The following CEP152 variants were observed in gnomAD, a reference collection of about 807,000 sequenced individuals.
CEP152 encodes centrosomal protein 152.
CEP152 carries 132 observed loss-of-function variants against 188.9 expected under a neutral mutation model. The observed-to-expected ratio is 0.70, with a 90% CI of 0.61 to 0.81. CEP152 has a LOEUF of 0.81. Ranked by LOEUF, CEP152 falls within the 30% of genes least tolerant of loss-of-function variation. The probability of loss-of-function intolerance (pLI) is 0.00; values close to 1 mark genes in which losing one functional copy is unlikely to be tolerated. For synonymous variants in CEP152, 649 were observed against 666.6 expected, an observed-to-expected ratio of 0.97 and a Z score of 0.41; for missense variants, 1,914 against 1,969.8, an observed-to-expected ratio of 0.97 and a Z score of 0.54.
At chr15:48,752,232 A>G in intron 21 of CEP152, 117 bp downstream of exon 21, 1 of 1,554,606 alleles carries the variant, frequency 6.4e-7, no homozygotes, top group Non-Finnish European at 8.8e-7. Context: ...GGGGACATTA[A>G]GTCAGACGAT....
At position 48,756,436 on chromosome 15, in the gene CEP152, G is replaced by A; in HGVS notation, c.2812C>T (p.Leu938Phe). 1 of 1,613,670 alleles carries A rather than the reference G, an allele frequency of 6.2e-7. No homozygotes were observed. The highest frequency in any genetic ancestry group is 1.3e-5 in the African/African-American group (1 of 74,970). Residue 938 changes from leucine to phenylalanine, a missense_variant, in exon 20 of 27, where the codon CTT becomes TTT. Physicochemically the swap from Leu to Phe is conservative, Grantham distance 22. Coordinates refer to ENST00000380950, the MANE Select transcript of CEP152 (RefSeq NM_001194998.2). ...EEKIHSLQKE[L>F]ELKNEEVPVV... ...GGGACTTCTTCGTTCTTTAACTCAA[G>A]TTCCTTCTGAAGAGAATGAATCTTC... is the stretch of plus-strand genomic sequence containing the variant.
At position 48,739,151 on chromosome 15, in the gene CEP152, G is replaced by C. The variant is rs1200046966; in HGVS notation, c.4231C>G (p.Pro1411Ala). The C allele has an allele frequency of 2.5e-6, 4 of 1,614,028 alleles. No individual in the cohort carries two copies. The highest frequency in any genetic ancestry group is 3.4e-6 in the Non-Finnish European group (4 of 1,180,022). Residue 1411 changes from proline to alanine, a missense_variant, in exon 27 of 27, where the codon CCC (proline) becomes GCC (alanine). Coordinates refer to ENST00000380950, the MANE Select transcript of CEP152 (RefSeq NM_001194998.2). ...TITRTLCEQA[P>A]KRRAACNLQR... ...AAGTTACAAGCTGCCCTCCTCTTGG[G>C]AGCTTGTTCGCACAGAGTTCTGGTG...
chr15:48,738,436 G>A lies in CEP152; in HGVS notation c.4946C>T (p.Pro1649Leu), dbSNP rs1391789300. 6.2e-7 allele frequency: 1 copy of A among 1,614,120 alleles called. No individual in the cohort carries two copies. ...YLSEETTYLE[P>L]GKISVNCGHP... Reference sequence around the variant, plus strand: ...TCCACAATTCACACTGATCTTTCCTGGCTCCAAATACGTGGTTTCTTCTGA... The same window carrying A: ...TCCACAATTCACACTGATCTTTCCTAGCTCCAAATACGTGGTTTCTTCTGA... Residue 1649 changes from proline (P) to leucine (L), a missense_variant, in exon 27 of 27, where the codon CCA becomes CTA. Physicochemically the swap from Pro to Leu is moderately conservative, Grantham distance 98. Transcript: ENST00000380950.
At chr15:48,785,815 T>C (rs560664204) in intron 9 of CEP152, among the ~76,000 whole-genome samples, 1 of 151,314 alleles carries the variant, frequency 6.6e-6, no homozygotes, top group Admixed American at 6.6e-5. Context: ...AAGTCTGATA[T>C]GGGCAGACAT....
In CEP152 at chr15:48,765,636, A is replaced by ATTTTTTTTT. The variant is rs34837739; in HGVS notation, c.2280+1415_2280+1423dup. The stretch of plus-strand genomic sequence containing the variant: ...GAAAATTCCTCTTATGTTCTTGCCA[A>ATTTTTTTTT]TTTTTTTTTTTTTTTTTTTTTTTTT... On this transcript the variant is annotated intron_variant, in intron 17 of 26. Transcript: ENST00000380950. The ATTTTTTTTT allele has an allele frequency of 7.4e-4, 140 of 189,460 alleles. 3 individuals carry two copies. Among genetic ancestry groups the ATTTTTTTTT allele is most frequent in the Admixed American group, 2.1e-3 (19 of 8,848 alleles). The allele number at this position is 189,460 out of a possible 1,614,324, so 11.7% of individuals were successfully genotyped here.
At chr15:48,801,823 G>C (rs1319553074) in intron 2 of CEP152, among the ~76,000 whole-genome samples, 1 of 152,222 alleles carries the variant, frequency 6.6e-6, no homozygotes, top group Non-Finnish European at 1.5e-5. Context: ...GCTGGGTGCA[G>C]TGGCTCACAC....
In CEP152 at chr15:48,737,980, G is replaced by A; in HGVS notation, c.*269C>T. On this transcript the variant is annotated 3_prime_UTR_variant, in exon 27 of 27. Coordinates refer to ENST00000380950, the MANE Select transcript of CEP152 (RefSeq NM_001194998.2). Reference sequence around the variant, plus strand: ...TTTATTTAAATAAGTTAACACTGCAGAGTGAGTCAATTTATAAGTATAAAA... The same window carrying A: ...TTTATTTAAATAAGTTAACACTGCAAAGTGAGTCAATTTATAAGTATAAAA... 1 of 372,788 alleles carries A rather than the reference G, an allele frequency of 2.7e-6. No individual in the cohort carries two copies. Among genetic ancestry groups the A allele is most frequent in the South Asian group, 4.1e-5 (1 of 24,114 alleles). The allele number at this position is 372,788 out of a possible 1,614,324, so 23.1% of individuals were successfully genotyped here.
At position 48,793,583 on chromosome 15, in the gene CEP152, G is replaced by A. The variant is rs1897118421; in HGVS notation, c.692-122C>T. On this transcript the variant is annotated intron_variant, in intron 6 of 26. Coordinates refer to ENST00000380950, the MANE Select transcript of CEP152 (RefSeq NM_001194998.2). ...TAGAGCATCATGAAATCAATTCAGT[G>A]AATTGTGACTAGGATTAAAAAAGAG... 5 of 811,172 alleles carry A rather than the reference G, an allele frequency of 6.2e-6. No homozygotes were observed. In the Admixed American group the frequency reaches 9.3e-5, roughly 15 times the overall value. 50.2% of individuals were successfully genotyped at this position (811,172 alleles called of 1,614,324 possible).
Position 48,767,170 on chromosome 15 carries a change from T to C in CEP152, c.2170A>G (p.Lys724Glu), listed in dbSNP as rs1314115412. The change falls in exon 17 of 27, where the codon AAG (lysine) becomes GAG (glutamate). Residue 724 changes from lysine to glutamate, a missense_variant. Lys to Glu is a moderately conservative substitution (Grantham distance 56). Coordinates refer to ENST00000380950, the MANE Select transcript of CEP152 (RefSeq NM_001194998.2). ...QLRSELDKLNKEVTAVQECYL... is the reference protein window; with the variant it reads ...QLRSELDKLNEEVTAVQECYL... ...CATTCCTGCACAGCAGTCACCTCCT[T>C]ATTCAACTTATCCAACTCAGACCTT... 2.5e-6 allele frequency: 4 copies of C among 1,613,848 alleles called. No homozygotes were observed. The highest frequency in any genetic ancestry group is 1.1e-5 in the South Asian group (1 of 91,082).
intron 2 of CEP152, among the ~76,000 whole-genome samples, chr15:48,731,465 G>A (rs1439645249): frequency 1.3e-5 from 2 of 152,126 alleles, no homozygotes; most frequent in Non-Finnish European, 2.9e-5. Flanking sequence ...AATGGTGCTG[G>A]GAGAACTGGC....
At chr15:48,739,826 A>G (rs1232119530) in intron 26 of CEP152, among the ~76,000 whole-genome samples, 1 of 152,228 alleles carries the variant, frequency 6.6e-6, no homozygotes, top group Non-Finnish European at 1.5e-5. Context: ...CAAGCCCTAG[A>G]GTCCATGAAA....
intron 2 of CEP152, among the ~76,000 whole-genome samples, chr15:48,805,346 T>A (rs148492384): frequency 6.6e-6 from 1 of 152,166 alleles, no homozygotes; most frequent in Non-Finnish European, 1.5e-5. Flanking sequence ...TCTGATGGTA[T>A]TATTCACAGT....
At chr15:48,734,584 T>C (rs1170528138), downstream of CEP152, among the ~76,000 whole-genome samples, 1 of 146,448 alleles carries the variant, frequency 6.8e-6, no homozygotes, top group East Asian at 2.0e-4. Context: ...AAAGCTTCTC[T>C]GATAAAAAAA....
intron 20 of CEP152, among the ~76,000 whole-genome samples, chr15:48,753,078 G>T (rs1052408156): frequency 5.9e-5 from 9 of 152,094 alleles, no homozygotes; most frequent in African/African-American, 1.9e-4. Flanking sequence ...AATATTTATT[G>T]AACGTTTTTA....
In CEP152 at chr15:48,776,888, G is replaced by A. The variant is rs187377158; in HGVS notation, c.1578-4197C>T. On this transcript the variant is annotated intron_variant, in intron 12 of 26. Coordinates refer to ENST00000380950, the MANE Select transcript of CEP152 (RefSeq NM_001194998.2). Reference sequence around the variant, plus strand: ...TATTTTCTAATTTTTTCATAATGGAGGATTAAGTTACTTTTGAAAAGAAAT... The same window carrying A: ...TATTTTCTAATTTTTTCATAATGGAAGATTAAGTTACTTTTGAAAAGAAAT... Among the ~76,000 whole-genome samples, 820 of 151,728 alleles carry A rather than the reference G, an allele frequency of 5.4e-3. 9 individuals are homozygous for A. Among genetic ancestry groups the A allele is most frequent in the African/African-American group, 0.019 (789 of 41,388 alleles).
chr15:48,750,798 T>G (rs1313913375), intron 21 of CEP152, among the ~76,000 whole-genome samples: 1 of 152,124 alleles, frequency 6.6e-6, no homozygotes, highest in Non-Finnish European at 1.5e-5. Flanking sequence ...GGCAACAACT[T>G]TTTGAGGGTA....
chr15:48,738,331 T>G lies in CEP152; in HGVS notation c.5051A>C (p.Gln1684Pro), dbSNP rs141502881. Residue 1684 changes from glutamine (Q) to proline (P), a missense_variant, in exon 27 of 27, where the codon CAG becomes CCG. Gln to Pro is a moderately conservative substitution (Grantham distance 76). Coordinates refer to ENST00000380950, the MANE Select transcript of CEP152 (RefSeq NM_001194998.2). Reference sequence around the variant, plus strand: ...AACAATTAATTTTCTTGAAGGCTGCTGACACACTGAAGATGGTAATGTACT... The same window carrying G: ...AACAATTAATTTTCTTGAAGGCTGCGGACACACTGAAGATGGTAATGTACT... Reference protein sequence around the residue: ...LSSTLPSSVCQQPSRKLIVPL... With the variant: ...LSSTLPSSVCPQPSRKLIVPL... 1.2e-6 allele frequency: 2 copies of G among 1,614,198 alleles called. No individual in the cohort carries two copies. The highest frequency in any genetic ancestry group is 2.7e-5 in the African/African-American group (2 of 75,074).
Position 48,738,275 on chromosome 15 carries a change from C to G in CEP152, c.5107G>C (p.Asp1703His). 3 of 1,613,666 alleles carry G rather than the reference C, an allele frequency of 1.9e-6. No homozygotes were observed. The highest frequency in any genetic ancestry group is 2.5e-6 in the Non-Finnish European group (3 of 1,179,704). Residue 1703 changes from aspartate to histidine, a missense_variant, in exon 27 of 27, where the codon GAT becomes CAT. Coordinates refer to ENST00000380950, the MANE Select transcript of CEP152 (RefSeq NM_001194998.2). ...TAGTCTAGATTAACAAATGGGCTAT[C>G]AAAGCCACTATCTTGTTGGCTAGAT... ...PLSSQQDSGF[D>H]SPFVNLD is the part of the protein sequence containing the mutation.
At chr15:48,793,008 G>T (rs1340864428) in intron 7 of CEP152, among the ~76,000 whole-genome samples, 1 of 152,118 alleles carries the variant, frequency 6.6e-6, no homozygotes, top group African/African-American at 2.4e-5. Flanking sequence ...TTTTAGTAGA[G>T]ACAGGGTTTC....
Sources: allele counts gnomAD v4.1 joint callset (sites outside exome capture counted in the v4.1 genomes callset), GRCh38; gene constraint gnomAD v4.1.1; transcripts MANE v1.5; gene names NCBI Gene and HGNC (gene_info 2026-07-23, HGNC 2026-07-21).